The following AIG1 variants were observed in gnomAD, a reference collection of about 807,000 sequenced individuals.
The protein encoded by AIG1 is androgen induced 1.
A neutral mutation model predicts 31.4 loss-of-function variants in AIG1; 23 were observed. The observed-to-expected ratio is 0.73, with a 90% CI of 0.53 to 1.04. The LOEUF (loss-of-function observed/expected upper bound fraction) is 1.04. Ranked by LOEUF, AIG1 falls within the 50% of genes least tolerant of loss-of-function variation. AIG1 has a pLI of 0.00. For missense variants in AIG1, 274 were observed against 295.0 expected, an observed-to-expected ratio of 0.93 and a Z score of 0.52; for synonymous variants, 100 against 110.5, an observed-to-expected ratio of 0.90 and a Z score of 0.60.
intron 3 of AIG1, among the ~76,000 whole-genome samples, chr6:143,224,721 C>T (rs2128626354): frequency 6.6e-6 from 1 of 152,206 alleles, no homozygotes; most frequent in African/African-American, 2.4e-5. Context: ...CTTTCCCTTC[C>T]TTCCTGTTAT....
intron 3 of AIG1, chr6:143,190,582 A>T (rs1159113499): frequency 4.1e-6 from 4 of 985,254 alleles, no homozygotes; most frequent in East Asian, 1.1e-4. Flanking sequence ...ACTATGAAGC[A>T]TTTTCTTACA....
rs1159143773 is a variant in AIG1 at position 143,280,698 on chromosome 6, A to G, written c.400-3412A>G. On this transcript the variant is annotated intron_variant, in intron 3 of 5. Transcript: ENST00000357847. This position sits in a 1 kb window ranked among gnomAD's most constrained non-coding sequence, Gnocchi z 4.1. ...AGAACTTATGAACACAAAGAAGGAA[A>G]TAACAGACACTGGGGTCTACTTGAG... is the stretch of plus-strand genomic sequence containing the variant. Among the ~76,000 whole-genome samples the G allele has an allele frequency of 1.3e-5, 2 of 152,208 alleles. No homozygotes were observed. The highest frequency in any genetic ancestry group is 2.4e-5 in the African/African-American group (1 of 41,454).
intron 3 of AIG1, among the ~76,000 whole-genome samples, chr6:143,215,943 T>C (rs950596369): frequency 6.6e-6 from 1 of 152,146 alleles, no homozygotes; most frequent in Non-Finnish European, 1.5e-5. Flanking sequence ...AGACAATACA[T>C]AAACGAATGA....
chr6:143,085,372 A>C (rs1402247547), intron 1 of AIG1, among the ~76,000 whole-genome samples: 1 of 152,120 alleles, frequency 6.6e-6, no homozygotes, highest in Admixed American at 6.5e-5. Context: ...ACCTCTGCTT[A>C]TTGGATTCGT....
chr6:143,150,569 C>T (rs1785116659), intron 2 of AIG1, among the ~76,000 whole-genome samples: 1 of 152,148 alleles, frequency 6.6e-6, no homozygotes, highest in Admixed American at 6.5e-5. Flanking sequence ...AAACTACTGC[C>T]ATTGTGGCTG....
chr6:143,154,443 G>A (rs1785529782), intron 2 of AIG1, among the ~76,000 whole-genome samples: 1 of 152,058 alleles, frequency 6.6e-6, no homozygotes, highest in African/African-American at 2.4e-5. Flanking sequence ...TTAAGGTTGT[G>A]GGGAGGGTGT....
At chr6:143,206,191 G>A (rs578220324) in intron 3 of AIG1, among the ~76,000 whole-genome samples, 39 of 152,288 alleles carry the variant, frequency 2.6e-4, no homozygotes, top group African/African-American at 9.1e-4. Flanking sequence ...AATTGAATCC[G>A]TCACTGTCCA....
chr6:143,295,673 C>T (rs761836076), intron 4 of AIG1, among the ~76,000 whole-genome samples: 6 of 152,100 alleles, frequency 3.9e-5, no homozygotes, highest in East Asian at 1.9e-4. Flanking sequence ...CTCTTTTTCT[C>T]GGGGAAGCCC....
rs181182305 is a variant in AIG1, at chr6:143,164,320, A to G, written c.298-762A>G. On this transcript the variant is annotated intron_variant, in intron 2 of 5. Transcript: ENST00000357847. ...GTGCTGAAGGTTAAGACCTTGGGCC[A>G]TTCATTATTTTATCTGAACTTCTTT... Among the ~76,000 whole-genome samples the G allele has an allele frequency of 5.0e-3, 767 of 152,294 alleles. 6 individuals are homozygous for G. The highest frequency in any genetic ancestry group is 5.0e-3 in the Non-Finnish European group (342 of 68,028).
chr6:143,078,344 T>C (rs1238835636), intron 1 of AIG1, among the ~76,000 whole-genome samples: 2 of 152,226 alleles, frequency 1.3e-5, no homozygotes, highest in East Asian at 1.9e-4. Flanking sequence ...AATTCCACCA[T>C]TGGTGTCCTT....
At position 143,299,198 on chromosome 6, in the gene AIG1, G is replaced by A. The variant is rs573440477; in HGVS notation, c.515+14973G>A. 2.0e-5 allele frequency: 3 copies of A among 152,316 alleles called. No individual in the cohort carries two copies. The highest frequency in any genetic ancestry group is 2.1e-4 in the South Asian group (1 of 4,828). 9.4% of individuals were successfully genotyped at this position (152,316 alleles called of 1,614,324 possible). A position where few individuals can be genotyped will look rare whatever the true frequency, so the allele number is the denominator to read the frequency against. On this transcript the variant is annotated intron_variant, in intron 4 of 5. Transcript: ENST00000357847. This position sits in a 1 kb window ranked among gnomAD's most constrained non-coding sequence, Gnocchi z 4.1. The stretch of plus-strand genomic sequence containing the variant: ...TAGATGGTAAGCAATGGTAGCTCCT[G>A]TTTGACATCCAGGACAGAGCAGTAC...
Position 143,339,633 on chromosome 6 carries a change from T to A in AIG1, c.680-6T>A. 6.2e-7 allele frequency: 1 copy of A among 1,613,138 alleles called. No individual in the cohort carries two copies. The highest frequency in any genetic ancestry group is 8.5e-7 in the Non-Finnish European group (1 of 1,179,552). On this transcript the variant is annotated splice_region_variant and splice_polypyrimidine_tract_variant and intron_variant, in intron 5 of 5. Transcript: ENST00000357847. ...CTCAAATAAAACACTTTGCCTGTAT[T>A]TCTAGGTATGGAAGAAGAGAAAGAA...
chr6:143,149,146 T>C (rs909501221), intron 2 of AIG1, among the ~76,000 whole-genome samples: 3 of 152,184 alleles, frequency 2.0e-5, no homozygotes, highest in African/African-American at 7.2e-5. Flanking sequence ...CTAATTTTGC[T>C]CTTCATTATA....
intron 3 of AIG1, among the ~76,000 whole-genome samples, chr6:143,230,936 C>T (rs1793401162): frequency 6.6e-6 from 1 of 152,200 alleles, no homozygotes; most frequent in South Asian, 2.1e-4. Flanking sequence ...TTAACTTTCA[C>T]ACCTCCCATT....
intron 3 of AIG1, among the ~76,000 whole-genome samples, chr6:143,229,988 T>G (rs1793321670): frequency 6.6e-6 from 1 of 152,154 alleles, no homozygotes; most frequent in African/African-American, 2.4e-5. Flanking sequence ...GATCCTGAGC[T>G]CATAGAACTT....
chr6:143,164,615 G>T (rs1299167067), intron 2 of AIG1, among the ~76,000 whole-genome samples: 5 of 152,212 alleles, frequency 3.3e-5, no homozygotes, highest in African/African-American at 4.8e-5. Flanking sequence ...TGCTAGTGGT[G>T]AAGTGGAAAT....
intron 3 of AIG1, among the ~76,000 whole-genome samples, chr6:143,253,352 C>G (rs1181017418): frequency 6.6e-6 from 1 of 152,110 alleles, no homozygotes; most frequent in Admixed American, 6.5e-5. Context: ...TAAATAAGAC[C>G]CATTTTACCT....
chr6:143,150,145 C>T (rs576274680), intron 2 of AIG1, among the ~76,000 whole-genome samples: 1 of 152,262 alleles, frequency 6.6e-6, no homozygotes, highest in African/African-American at 2.4e-5. Context: ...TTGATTCCTC[C>T]ACCCATTTTA....
intron 3 of AIG1, among the ~76,000 whole-genome samples, chr6:143,175,753 T>G (rs1294163873): frequency 6.6e-6 from 1 of 152,242 alleles, no homozygotes; most frequent in Non-Finnish European, 1.5e-5. Context: ...TCCACCTTTC[T>G]CTGGTGTGTC....
Sources: gnomAD v4.1 joint callset for allele counts (sites outside exome capture counted in the v4.1 genomes callset) on GRCh38, gnomAD v4.1.1 for gene constraint, Gnocchi (gnomAD v3.1) non-coding constraint, MANE v1.5 for transcripts, NCBI Gene and HGNC (gene_info 2026-07-23, HGNC 2026-07-21) for gene names.